The following SLC12A2 variants were observed in gnomAD, a reference collection of about 807,000 sequenced individuals.
SLC12A2 encodes solute carrier family 12 member 2.
A neutral mutation model predicts 136.3 loss-of-function variants in SLC12A2; 67 were observed. The observed-to-expected ratio is 0.49, with a 90% CI of 0.40 to 0.60. The LOEUF is 0.60. SLC12A2 is among the 20% of genes least tolerant of loss of function. The probability of loss-of-function intolerance (pLI) is 0.00; values close to 1 mark genes in which losing one functional copy is unlikely to be tolerated. For synonymous variants in SLC12A2, 619 were observed against 562.9 expected (o/e 1.10, Z -1.41); for missense variants, 1,322 against 1,534.7 (o/e 0.86, Z 2.32).
At chr5:128,150,515 G>A (rs1044377757) in intron 13 of SLC12A2, among the ~76,000 whole-genome samples, 1 of 151,684 alleles carries the variant, frequency 6.6e-6, no homozygotes, top group African/African-American at 2.4e-5. Flanking sequence ...CAAAAGCATT[G>A]TTCCTTTTAA....
intron 1 of SLC12A2, among the ~76,000 whole-genome samples, chr5:128,101,827 A>G (rs1760749584): frequency 6.6e-6 from 1 of 152,330 alleles, no homozygotes; most frequent in East Asian, 1.9e-4. Flanking sequence ...ATTGGTCATT[A>G]AAGCCACATT....
At position 128,142,913 on chromosome 5, in the gene SLC12A2, C is replaced by A. The variant is rs542354048; in HGVS notation, c.1773+932C>A. ...GTAGTTTTTGGGGTACATGTGGTTT[C>A]TGGTTACATGGATGAATTGTGTTGT... On this transcript the variant is annotated intron_variant, in intron 10 of 26. Coordinates refer to ENST00000262461, the MANE Select transcript of SLC12A2 (RefSeq NM_001046.3). Among the ~76,000 whole-genome samples the A allele has an allele frequency of 3.3e-5, 5 of 152,046 alleles. No individual in the cohort carries two copies. The South Asian group carries it at 8.3e-4, about 25-fold the overall frequency.
At chr5:128,110,552 T>C (rs1303494006) in intron 1 of SLC12A2, 1 of 1,308,706 alleles carries the variant, frequency 7.6e-7, no homozygotes, top group East Asian at 2.3e-5. Flanking sequence ...CACATTTCAT[T>C]TTTTGATTTC....
chr5:128,130,035 GTT>G (rs59807299), intron 4 of SLC12A2, among the ~76,000 whole-genome samples: 5 of 142,014 alleles, frequency 3.5e-5, no homozygotes, highest in Admixed American at 6.9e-5. Context: ...GTGAGACTTT[GTT>G]TTTTTTTTTT....
chr5:128,135,581 G>T, intron 6 of SLC12A2, 119 bp from the exon 7 acceptor site: 1 of 668,678 alleles, frequency 1.5e-6, no homozygotes, highest in Non-Finnish European at 2.6e-6. Context: ...TAAGGCACTG[G>T]GGAATCAGGC....
chr5:128,148,627 G>A (rs1276035007), intron 11 of SLC12A2, 127 bp from the exon 12 acceptor site: 7 of 680,056 alleles, frequency 1.0e-5, no homozygotes, highest in Non-Finnish European at 1.4e-5. Context: ...GCAGTATCTG[G>A]GACAGGATAA....
intron 1 of SLC12A2, among the ~76,000 whole-genome samples, chr5:128,091,225 T>TA (rs1409387590): frequency 3.3e-5 from 5 of 152,126 alleles, no homozygotes; most frequent in African/African-American, 1.2e-4. Context: ...GACAGAGTAA[T>TA]ACTAGGGTTT....
intron 1 of SLC12A2, among the ~76,000 whole-genome samples, chr5:128,111,429 CTG>C (rs1407492213): frequency 1.3e-5 from 2 of 152,204 alleles, no homozygotes; most frequent in East Asian, 3.9e-4. Flanking sequence ...AGATTTTGCA[CTG>C]TGGTAGCACA....
intron 21 of SLC12A2, chr5:128,177,553 A>C (rs1419089229): frequency 6.3e-6 from 1 of 159,702 alleles, no homozygotes; most frequent in Non-Finnish European, 1.4e-5. Context: ...TTCATTTCAA[A>C]AATTACAATA....
chr5:128,146,407 A>C (rs1047024811), intron 10 of SLC12A2, among the ~76,000 whole-genome samples: 1 of 151,654 alleles, frequency 6.6e-6, no homozygotes, highest in Non-Finnish European at 1.5e-5. Context: ...AATCTAGGGG[A>C]GTTTCTAGCC....
chr5:128,091,874 T>G (rs373293654), intron 1 of SLC12A2, among the ~76,000 whole-genome samples: 2 of 152,234 alleles, frequency 1.3e-5, no homozygotes, highest in African/African-American at 4.8e-5. Context: ...TTTTTCTGAA[T>G]AGTCACAAAT....
In SLC12A2 at chr5:128,135,565, A is replaced by G; in HGVS notation, c.1300-135A>G. On this transcript the variant is annotated intron_variant, in intron 6 of 26. Coordinates refer to ENST00000262461, the MANE Select transcript of SLC12A2 (RefSeq NM_001046.3). ...ATTGAGCAGCTGCTTGGCATATGGC[A>G]TTGTTTAAGGCACTGGGGAATCAGG... 2 of 588,016 alleles carry G rather than the reference A, an allele frequency of 3.4e-6. 1 individual carries two copies. The allele number at this position is 588,016 out of a possible 1,614,324, so 36.4% of individuals were successfully genotyped here. A position where few individuals can be genotyped will look rare whatever the true frequency, so the allele number is the denominator to read the frequency against.
At chr5:128,124,956 C>T (rs757102258) in intron 4 of SLC12A2, among the ~76,000 whole-genome samples, 10 of 152,118 alleles carry the variant, frequency 6.6e-5, no homozygotes, top group Non-Finnish European at 1.2e-4. Context: ...ACAAAAGATG[C>T]TTTTCTCACC....
In SLC12A2 at chr5:128,112,872, T is replaced by C. The variant is rs540683555; in HGVS notation, c.815T>C (p.Val272Ala). 4.3e-6 allele frequency: 7 copies of C among 1,613,318 alleles called. No individual in the cohort carries two copies. In the South Asian group the frequency reaches 6.6e-5, roughly 15 times the overall value. ...GEESTPTRDAVVTYTAESKGV... is the reference protein window; with the variant it reads ...GEESTPTRDAAVTYTAESKGV... ...GAAAGTACTCCAACCAGAGATGCTG[T>C]GGTCACGTATACTGCAGAAAGTAAA... is the stretch of plus-strand genomic sequence containing the variant. The change falls in exon 2 of 27, where the codon GTG becomes GCG. Residue 272 changes from valine (V) to alanine (A), a missense_variant. Coordinates refer to ENST00000262461, the MANE Select transcript of SLC12A2 (RefSeq NM_001046.3).
rs572233226 is a variant in SLC12A2 at position 128,178,918 on chromosome 5, T to A, written c.3100+229T>A. On this transcript the variant is annotated intron_variant, in intron 22 of 26. Transcript: ENST00000262461. Reference sequence around the variant, plus strand: ...TTTCCTTGAGCTTCATGACCTTAACTTTTTTTTAATATGAACCATTTTGTT... The same window carrying A: ...TTTCCTTGAGCTTCATGACCTTAACATTTTTTTAATATGAACCATTTTGTT... Among the ~76,000 whole-genome samples, 11 of 152,126 alleles carry A rather than the reference T, an allele frequency of 7.2e-5. No homozygotes were observed. In the East Asian group the frequency reaches 2.1e-3, roughly 29 times the overall value.
chr5:128,186,433 A>AT, intron 26 of SLC12A2, 63 bp from the exon 27 acceptor site: 1 of 1,503,060 alleles, frequency 6.7e-7, no homozygotes, highest in Non-Finnish European at 8.9e-7. Flanking sequence ...TTTTTGCTAC[A>AT]TTTTATTCTG....
Position 128,114,713 on chromosome 5 carries a change from A to G in SLC12A2, c.1048+32A>G, listed in dbSNP as rs192650215. 4.1e-3 allele frequency: 5,113 copies of G among 1,257,202 alleles called. 23 individuals carry two copies. The highest frequency in any genetic ancestry group is 4.9e-3 in the Non-Finnish European group (4,233 of 857,238). 77.9% of individuals were successfully genotyped at this position (1,257,202 alleles called of 1,614,324 possible). A position where few individuals can be genotyped will look rare whatever the true frequency, so the allele number is the denominator to read the frequency against. Reference sequence around the variant, plus strand: ...AGAATCTTTTTGAATCATCATCATCAGATTACTCTTACTAAACAGAGGTCT... The same window carrying G: ...AGAATCTTTTTGAATCATCATCATCGGATTACTCTTACTAAACAGAGGTCT... On this transcript the variant is annotated intron_variant, in intron 4 of 26. Transcript: ENST00000262461.
In SLC12A2 at chr5:128,119,260, T is replaced by C. The variant is rs1010033444; in HGVS notation, c.1048+4579T>C. 6.2e-4 allele frequency among the ~76,000 whole-genome samples: 94 copies of C among 152,210 alleles called. 1 individual carries two copies. The highest frequency in any genetic ancestry group is 2.2e-3 in the African/African-American group (92 of 41,456). Reference sequence around the variant, plus strand: ...GTCTGGTGAACCCATCTGAACTTTTTGTAGACTGAAAGTTGACTATTAAGG... The same window carrying C: ...GTCTGGTGAACCCATCTGAACTTTTCGTAGACTGAAAGTTGACTATTAAGG... On this transcript the variant is annotated intron_variant, in intron 4 of 26. Coordinates refer to ENST00000262461, the MANE Select transcript of SLC12A2 (RefSeq NM_001046.3).
chr5:128,126,967 T>TATATATATATATATATATATATATAA (rs1491322749), intron 4 of SLC12A2, among the ~76,000 whole-genome samples: 1 of 29,652 alleles, frequency 3.4e-5, no homozygotes, highest in Non-Finnish European at 6.0e-5. Context: ...TATATATATA[T>TATATATATATATATATATATATATAA]TTTTTTTTTT....
Sources: allele counts gnomAD v4.1 joint callset (sites outside exome capture counted in the v4.1 genomes callset), GRCh38; gene constraint gnomAD v4.1.1; transcripts MANE v1.5; gene names NCBI Gene and HGNC (gene_info 2026-07-23, HGNC 2026-07-21).